CDK13: variants seen among roughly 807,000 people sequenced by gnomAD.
CDK13 encodes the protein cyclin-dependent kinase 13.
A neutral mutation model predicts 137.6 loss-of-function variants in CDK13; 40 were observed. That is an observed-to-expected ratio of 0.29 (90% CI 0.23 to 0.38). The LOEUF (loss-of-function observed/expected upper bound fraction) is 0.38, where lower values mean the gene tolerates loss of function less well. Among genes scored for constraint, CDK13 ranks in the 10% least tolerant of loss-of-function variants. The pLI, the probability that CDK13 is intolerant of heterozygous loss-of-function variation, is 1.00. For missense variants in CDK13, 1,704 were observed against 1,951.8 expected, an observed-to-expected ratio of 0.87 and a Z score of 2.39; for synonymous variants, 869 against 760.1, an observed-to-expected ratio of 1.14 and a Z score of -2.36.
At chr7:40,091,116 C>G (rs1416188430) in intron 12 of CDK13, among the ~76,000 whole-genome samples, 1 of 151,078 alleles carries the variant, frequency 6.6e-6, no homozygotes, top group African/African-American at 2.4e-5. Flanking sequence ...GAGGCTGAGG[C>G]GGGCGGATCA....
chr7:40,036,817 A>C (rs1252896977), intron 5 of CDK13, among the ~76,000 whole-genome samples: 1 of 152,120 alleles, frequency 6.6e-6, no homozygotes, highest in African/African-American at 2.4e-5. Context: ...TTGTAGTTAC[A>C]TTTAAAAAGA....
intron 9 of CDK13, among the ~76,000 whole-genome samples, chr7:40,064,244 A>G (rs901751181): frequency 2.0e-5 from 3 of 147,012 alleles, no homozygotes; most frequent in Admixed American, 1.4e-4. Context: ...AGATTGTGCC[A>G]CGGCACTCCA....
intron 6 of CDK13, 22 bp from the exon 7 acceptor site, chr7:40,047,799 C>T (rs747560938): frequency 6.4e-7 from 1 of 1,563,870 alleles, no homozygotes; most frequent in South Asian, 1.1e-5. Context: ...ACCTTTTGTT[C>T]ATTTTGTCTT....
intron 9 of CDK13, chr7:40,066,996 G>T (rs1786294504): frequency 6.7e-6 from 1 of 148,898 alleles, no homozygotes; most frequent in Non-Finnish European, 1.5e-5. Flanking sequence ...GGTCCTGATT[G>T]TATTGGAAAC....
At position 40,039,045 on chromosome 7, in the gene CDK13, C is replaced by T. The variant is rs559393800; in HGVS notation, c.2354-6791C>T. ...AAGCTACTTTGCATTCACTTAGGGG[C>T]GCTTCGCTCTTTTTTCGGATGAGCT... On this transcript the variant is annotated intron_variant, in intron 5 of 13. Transcript: ENST00000181839. Among the ~76,000 whole-genome samples, 5 of 152,182 alleles carry T rather than the reference C, an allele frequency of 3.3e-5. No homozygotes were observed. In the East Asian group the frequency reaches 7.7e-4, roughly 23 times the overall value.
chr7:39,987,593 C>T lies in CDK13; in HGVS notation c.1212-6C>T. The T allele has an allele frequency of 6.4e-7, 1 of 1,573,908 alleles. No individual in the cohort carries two copies. Among genetic ancestry groups the T allele is most frequent in the Non-Finnish European group, 8.6e-7 (1 of 1,164,642 alleles). ...TACTGATTAAATCTTAATTATTTCT[C>T]ACCAGACGGTCTGGAAAATCCCGAA... On this transcript the variant is annotated splice_region_variant and splice_polypyrimidine_tract_variant and intron_variant, in intron 1 of 13. Coordinates refer to ENST00000181839, the MANE Select transcript of CDK13 (RefSeq NM_003718.5).
chr7:39,962,096 T>G (rs139975859), intron 1 of CDK13, among the ~76,000 whole-genome samples: 3,382 of 152,348 alleles, frequency 0.022, 114 homozygotes, highest in African/African-American at 0.078. Flanking sequence ...GCAATAAACA[T>G]ACATGTGCAT....
intron 1 of CDK13, among the ~76,000 whole-genome samples, chr7:39,981,064 A>G (rs1205658759): frequency 6.6e-6 from 1 of 152,216 alleles, no homozygotes; most frequent in African/African-American, 2.4e-5. Flanking sequence ...GTGTCGGAAT[A>G]TTAGGAAAAC....
chr7:39,999,450 T>A lies in CDK13; in HGVS notation c.2132T>A (p.Ile711Asn). ...GATAAATTTGATATCATCGGAATTA[T>A]TGGAGAAGGTACTTACGGACAAGTT... ...CVDKFDIIGI[I>N]GEGTYGQVYK... Residue 711 changes from isoleucine (I) to asparagine (N), a missense_variant, in exon 4 of 14, where the codon ATT becomes AAT. This residue lies in a region of CDK13 where 130 missense variants were observed against 362.4 expected (regional missense o/e 0.36). Transcript: ENST00000181839. 6.2e-7 allele frequency: 1 copy of A among 1,612,632 alleles called. No homozygotes were observed. Among genetic ancestry groups the A allele is most frequent in the Non-Finnish European group, 8.5e-7 (1 of 1,179,118 alleles).
At chr7:39,977,093 C>G (rs1456970959) in intron 1 of CDK13, among the ~76,000 whole-genome samples, 1 of 152,154 alleles carries the variant, frequency 6.6e-6, no homozygotes, top group Non-Finnish European at 1.5e-5. Flanking sequence ...GATTTGGCTT[C>G]TTTCTTCATA....
intron 9 of CDK13, among the ~76,000 whole-genome samples, chr7:40,077,133 T>C (rs1163069681): frequency 2.6e-5 from 4 of 152,186 alleles, no homozygotes; most frequent in African/African-American, 4.8e-5. Context: ...GCAGTTAAAA[T>C]TTCTTTATGA....
intron 5 of CDK13, among the ~76,000 whole-genome samples, chr7:40,037,559 C>T (rs541291179): frequency 3.3e-4 from 51 of 152,324 alleles, no homozygotes; most frequent in Admixed American, 5.9e-4. Context: ...CATTCACTCT[C>T]CAATATTCTG....
chr7:40,035,107 A>G (rs182902346), intron 5 of CDK13, among the ~76,000 whole-genome samples: 2 of 152,316 alleles, frequency 1.3e-5, no homozygotes, highest in Admixed American at 1.3e-4. Flanking sequence ...TATTTTTCTA[A>G]GGATATGTAT....
At position 39,951,289 on chromosome 7, in the gene CDK13, C is replaced by T. The variant is rs781397210; in HGVS notation, c.648C>T (p.His216=). Residue 216 remains histidine, a synonymous_variant, in exon 1 of 14, where the codon CAC becomes CAT. Transcript: ENST00000181839. The stretch of plus-strand genomic sequence containing the variant: ...GCAGCAAGGAGCGCCACCGCGAGCA[C>T]CGGCGGCGGGATGGGCAGCGCGGTG... ...SGRSKERHRE[H]RRRDGQRGGS... 1.2e-5 allele frequency: 16 copies of T among 1,364,660 alleles called. No individual in the cohort carries two copies. The highest frequency in any genetic ancestry group is 1.3e-5 in the Non-Finnish European group (14 of 1,067,988). The allele number at this position is 1,364,660 out of a possible 1,614,324, so 84.5% of individuals were successfully genotyped here. A position where few individuals can be genotyped will look rare whatever the true frequency, so the allele number is the denominator to read the frequency against.
At chr7:39,987,567 T>C (rs1784365043) in intron 1 of CDK13, 32 bp from the exon 2 acceptor site, 1 of 1,519,360 alleles carries the variant, frequency 6.6e-7, no homozygotes, top group Non-Finnish European at 8.8e-7. Context: ...CCTTTCTCAA[T>C]TACTGATTAA....
chr7:40,041,836 T>C (rs575930763), intron 5 of CDK13, among the ~76,000 whole-genome samples: 1 of 152,334 alleles, frequency 6.6e-6, no homozygotes, highest in East Asian at 1.9e-4. Context: ...TTTGACATAT[T>C]GTTTTGTTTT....
At chr7:40,027,020 C>T (rs1785257531) in intron 5 of CDK13, among the ~76,000 whole-genome samples, 1 of 152,114 alleles carries the variant, frequency 6.6e-6, no homozygotes, top group Admixed American at 6.5e-5. Flanking sequence ...CCCATTTAAA[C>T]TAAAAAGACA....
intron 5 of CDK13, among the ~76,000 whole-genome samples, chr7:40,036,618 G>T (rs947606591): frequency 1.3e-5 from 2 of 151,578 alleles, no homozygotes; most frequent in Admixed American, 1.3e-4. Flanking sequence ...TAAAAGTAGA[G>T]GAAATAGTAT....
rs527991329 is a variant in CDK13 at position 40,034,378 on chromosome 7, CTTTTG to C, written c.2354-11452_2354-11448del. Among the ~76,000 whole-genome samples, 40 of 152,272 alleles carry C rather than the reference CTTTTG, an allele frequency of 2.6e-4. No homozygotes were observed. In the South Asian group the frequency reaches 8.3e-3, roughly 32 times the overall value. On this transcript the variant is annotated intron_variant, in intron 5 of 13. Coordinates refer to ENST00000181839, the MANE Select transcript of CDK13 (RefSeq NM_003718.5). ...GTTGTTGCTTTTCACCTTTGCTTTT[CTTTTG>C]TTTTGAGTATGGAATGGCAGTTTTT... is the stretch of plus-strand genomic sequence containing the variant.
Sources: allele counts gnomAD v4.1 joint callset (sites outside exome capture counted in the v4.1 genomes callset), GRCh38; gene constraint gnomAD v4.1.1; regional missense constraint gnomAD v4.1.1; transcripts MANE v1.5; gene names NCBI Gene and HGNC (gene_info 2026-07-23, HGNC 2026-07-21).